SLC2A7: variants seen among roughly 807,000 people sequenced by gnomAD.
SLC2A7 encodes the protein solute carrier family 2, facilitated glucose transporter member 7.
Under a neutral mutation model 50.5 loss-of-function variants are expected in SLC2A7, and 50 were observed. That is an observed-to-expected ratio of 0.99 (90% CI 0.79 to 1.25). The LOEUF (loss-of-function observed/expected upper bound fraction) is 1.25, where lower values mean the gene tolerates loss of function less well. Among genes scored for constraint, SLC2A7 ranks in the 50% most tolerant of loss-of-function variants. SLC2A7 has a pLI of 0.00. For synonymous variants in SLC2A7, 308 were observed against 300.4 expected (o/e 1.03, Z -0.26); for missense variants, 683 against 679.1 (o/e 1.01, Z -0.06).
intron 2 of SLC2A7, among the ~76,000 whole-genome samples, chr1:9,023,475 C>T (rs1372285365): frequency 4.6e-5 from 7 of 151,940 alleles, no homozygotes; most frequent in East Asian, 1.9e-4. Flanking sequence ...GGCGTGGTGG[C>T]GGGCGCCTGT....
Position 9,003,170 on chromosome 1 carries a change from C to A in SLC2A7, c.*130G>T, listed in dbSNP as rs1357418109. The A allele has an allele frequency of 2.8e-6, 2 of 722,392 alleles. No homozygotes were observed. Among genetic ancestry groups the A allele is most frequent in the Non-Finnish European group, 4.6e-6 (2 of 437,778 alleles). 44.7% of individuals were successfully genotyped at this position (722,392 alleles called of 1,614,324 possible). ...ATTGTTGTGGGTATTTAATAATATC[C>A]ATAATTAAGTTAAATGGGGGCAACG... On this transcript the variant is annotated 3_prime_UTR_variant, in exon 12 of 12. Transcript: ENST00000400906.
At position 9,008,559 on chromosome 1, in the gene SLC2A7, T is replaced by C. The variant is rs1453732618; in HGVS notation, c.1117-1174A>G. On this transcript the variant is annotated intron_variant, in intron 9 of 11. Coordinates refer to ENST00000400906, the MANE Select transcript of SLC2A7 (RefSeq NM_207420.3). The surrounding 1 kb of genome is among the most constrained non-coding windows in gnomAD (Gnocchi z 5.9). Reference sequence around the variant, plus strand: ...GGCGCTCAGTCGTGCTCACCTCTTTTCACTTCCTAGAATCCCTAAAGGTTC... The same window carrying C: ...GGCGCTCAGTCGTGCTCACCTCTTTCCACTTCCTAGAATCCCTAAAGGTTC... 2.0e-5 allele frequency among the ~76,000 whole-genome samples: 3 copies of C among 151,838 alleles called. No individual in the cohort carries two copies.
chr1:9,025,665 C>G (rs115393305), intron 1 of SLC2A7, among the ~76,000 whole-genome samples: 3,434 of 152,290 alleles, frequency 0.023, 75 homozygotes, highest in Non-Finnish European at 0.029. Flanking sequence ...TTGCCTCTGC[C>G]TCTAGAACAG....
chr1:9,003,193 A>T lies in SLC2A7; in HGVS notation c.*107T>A. The stretch of plus-strand genomic sequence containing the variant: ...TCCATAATTAAGTTAAATGGGGGCA[A>T]CGACAAAAGCCTCCGTGCTATTATC... On this transcript the variant is annotated 3_prime_UTR_variant, in exon 12 of 12. Transcript: ENST00000400906. The T allele has an allele frequency of 1.1e-6, 1 of 945,528 alleles. No individual in the cohort carries two copies. The highest frequency in any genetic ancestry group is 1.6e-5 in the South Asian group (1 of 61,472). The allele number at this position is 945,528 out of a possible 1,614,324, so 58.6% of individuals were successfully genotyped here.
At position 9,018,511 on chromosome 1, in the gene SLC2A7, C is replaced by T. The variant is rs61208365; in HGVS notation, c.437-136G>A. 3,907 of 1,270,356 alleles carry T rather than the reference C, an allele frequency of 3.1e-3. 97 individuals are homozygous for T. In the African/African-American group the frequency reaches 0.049, roughly 16 times the overall value. The allele number at this position is 1,270,356 out of a possible 1,614,324, so 78.7% of individuals were successfully genotyped here. A position where few individuals can be genotyped will look rare whatever the true frequency, so the allele number is the denominator to read the frequency against. ...CGTGGAGATGGAGCTCGGCCAACCTCGACTGTTTAGTTTGGACTTACACCA... is the reference window on the plus strand; with the variant it reads ...CGTGGAGATGGAGCTCGGCCAACCTTGACTGTTTAGTTTGGACTTACACCA... On this transcript the variant is annotated intron_variant, in intron 4 of 11. Coordinates refer to ENST00000400906, the MANE Select transcript of SLC2A7 (RefSeq NM_207420.3).
At chr1:9,019,490 A>G (rs1267194101) in intron 3 of SLC2A7, among the ~76,000 whole-genome samples, 157 bp from the exon 4 acceptor site, 1 of 152,180 alleles carries the variant, frequency 6.6e-6, no homozygotes, top group African/African-American at 2.4e-5. Context: ...GGTGTCCCCC[A>G]AATTCCTATG....
Position 9,004,806 on chromosome 1 carries a change from C to T in SLC2A7, c.1266G>A (p.Gly422=). The change falls in exon 11 of 12, where the codon GGG becomes GGA. Residue 422 remains glycine, a synonymous_variant. Transcript: ENST00000400906. ...SSRRAAFMVD[G]AVHWLTNFII... ...TGAAGTTGGTGAGCCAGTGCACTGC[C>T]CCGTCCACCATGAAAGCTGCCCGCC... The T allele has an allele frequency of 6.2e-7, 1 of 1,614,150 alleles. No homozygotes were observed. Among genetic ancestry groups the T allele is most frequent in the Non-Finnish European group, 8.5e-7 (1 of 1,179,988 alleles).
chr1:9,025,090 C>G lies in SLC2A7; in HGVS notation c.52-16G>C. ...GCTGGAGCCGCTGTAGGAGACAAGT[C>G]CAAGGTCGGGACGCTGTGGGCTTGG... On this transcript the variant is annotated splice_polypyrimidine_tract_variant and intron_variant, in intron 1 of 11. Transcript: ENST00000400906. 1.2e-6 allele frequency: 2 copies of G among 1,613,180 alleles called. No individual in the cohort carries two copies. The highest frequency in any genetic ancestry group is 4.5e-5 in the East Asian group (2 of 44,858).
chr1:9,010,292 C>G, intron 8 of SLC2A7, 48 bp from the exon 9 acceptor site: 1 of 1,490,750 alleles, frequency 6.7e-7, no homozygotes, highest in Non-Finnish European at 9.1e-7. Flanking sequence ...CTGGCGCCCA[C>G]GGTTCTTGGG....
downstream of SLC2A7, among the ~76,000 whole-genome samples, chr1:8,999,592 G>A (rs2124227755): frequency 1.3e-5 from 2 of 152,290 alleles, no homozygotes; most frequent in Non-Finnish European, 2.9e-5. Context: ...CTCTGGTGAT[G>A]GCTTCTTCAC....
chr1:8,998,054 C>T (rs1387780274), downstream of SLC2A7, among the ~76,000 whole-genome samples: 1 of 152,116 alleles, frequency 6.6e-6, no homozygotes, highest in Non-Finnish European at 1.5e-5. Flanking sequence ...ATAACTGCTC[C>T]AGCACATTTG....
At chr1:9,022,500 C>A (rs1249204496) in intron 3 of SLC2A7, among the ~76,000 whole-genome samples, 2 of 152,142 alleles carry the variant, frequency 1.3e-5, no homozygotes, top group Non-Finnish European at 1.5e-5. Context: ...CTGACCCCAG[C>A]CTCAGTAACA....
intron 3 of SLC2A7, among the ~76,000 whole-genome samples, chr1:9,020,591 G>T (rs1333988361): frequency 7.2e-6 from 1 of 139,702 alleles, no homozygotes; most frequent in Non-Finnish European, 1.5e-5. Context: ...GTTTTGCACA[G>T]GAGAAGAATG....
At chr1:9,018,039 C>T (rs539829635) in intron 5 of SLC2A7, among the ~76,000 whole-genome samples, 184 bp downstream of exon 5, 28 of 152,250 alleles carry the variant, frequency 1.8e-4, no homozygotes, top group Admixed American at 1.2e-3. Context: ...TTCCTAAGCA[C>T]GATTTGTCGC....
At chr1:9,004,114 C>A (rs1640616087) in intron 11 of SLC2A7, among the ~76,000 whole-genome samples, 1 of 151,650 alleles carries the variant, frequency 6.6e-6, no homozygotes, top group African/African-American at 2.4e-5. Context: ...ATAATCCCAG[C>A]ACTTTCGAAG....
downstream of SLC2A7, among the ~76,000 whole-genome samples, chr1:9,001,823 G>C (rs978332345): frequency 7.2e-5 from 11 of 152,040 alleles, no homozygotes; most frequent in African/African-American, 1.7e-4. Context: ...CCCCTGTTGT[G>C]GGGGGAAGAA....
At chr1:9,018,413 G>A (rs557442189) in intron 4 of SLC2A7, 38 bp from the exon 5 acceptor site, 5 of 1,610,588 alleles carry the variant, frequency 3.1e-6, no homozygotes, top group African/African-American at 1.3e-5. Flanking sequence ...CAGGCAAACC[G>A]CAAACGCAGA....
chr1:9,015,586 G>A (rs945185093), intron 5 of SLC2A7, among the ~76,000 whole-genome samples: 1 of 152,112 alleles, frequency 6.6e-6, no homozygotes, highest in African/African-American at 2.4e-5. Flanking sequence ...GGTAGGGCAG[G>A]GCCTGGACCC....
downstream of SLC2A7, among the ~76,000 whole-genome samples, chr1:8,998,067 G>C (rs1312371892): frequency 6.6e-6 from 1 of 152,090 alleles, no homozygotes. Flanking sequence ...CACATTTGTT[G>C]GATATGCTGT....
Sources: allele counts gnomAD v4.1 joint callset (sites outside exome capture counted in the v4.1 genomes callset), GRCh38; gene constraint gnomAD v4.1.1; non-coding constraint Gnocchi (gnomAD v3.1); transcripts MANE v1.5; gene names NCBI Gene and HGNC (gene_info 2026-07-23, HGNC 2026-07-21).